The following EYA2 variants were observed in gnomAD, a reference collection of about 807,000 sequenced individuals.
EYA2 encodes EYA transcriptional coactivator and phosphatase 2, also known as protein phosphatase EYA2.
Under a neutral mutation model 69.2 loss-of-function variants are expected in EYA2, and 31 were observed. That is an observed-to-expected ratio of 0.45 (90% confidence interval 0.34 to 0.60). The LOEUF (loss-of-function observed/expected upper bound fraction) is 0.60. Ranked by LOEUF, EYA2 falls within the 20% of genes least tolerant of loss-of-function variation. EYA2 has a pLI of 0.02. For missense variants in EYA2, 622 were observed against 701.2 expected (o/e 0.89, Z 1.28); for synonymous variants, 257 against 279.4 (o/e 0.92, Z 0.80).
chr20:47,009,597 TCATTCCCCTG>T (rs1314088072), intron 4 of EYA2, among the ~76,000 whole-genome samples: 1 of 152,252 alleles, frequency 6.6e-6, no homozygotes, highest in Non-Finnish European at 1.5e-5. Flanking sequence ...TTCATGTTTA[TCATTCCCCTG>T]CATTTTTTTA....
At chr20:47,142,225 G>A (rs1182411127) in intron 9 of EYA2, among the ~76,000 whole-genome samples, 1 of 152,204 alleles carries the variant, frequency 6.6e-6, no homozygotes, top group African/African-American at 2.4e-5. Flanking sequence ...TATGGCGTGG[G>A]GGCTGCAGCT....
intron 8 of EYA2, among the ~76,000 whole-genome samples, chr20:47,090,532 GC>G (rs1409120472): frequency 1.3e-5 from 2 of 151,794 alleles, no homozygotes; most frequent in East Asian, 3.9e-4. Context: ...GAGCCGCCAT[GC>G]CCGGACTTTT....
intron 8 of EYA2, among the ~76,000 whole-genome samples, chr20:47,096,293 G>T (rs879651311): frequency 6.6e-6 from 1 of 152,150 alleles, no homozygotes; most frequent in South Asian, 2.1e-4. Flanking sequence ...AAATGTAAAT[G>T]TATATTACTA....
intron 1 of EYA2, among the ~76,000 whole-genome samples, chr20:46,987,916 G>GACTCTCTC (rs56288405): frequency 0.039 from 785 of 20,300 alleles, 280 homozygotes; most frequent in Middle Eastern, 0.11. Flanking sequence ...GACAGAGTAA[G>GACTCTCTC]TCTCTCTCTC....
At chr20:47,182,266 C>T (rs1248042509) in intron 14 of EYA2, among the ~76,000 whole-genome samples, 1 of 151,820 alleles carries the variant, frequency 6.6e-6, no homozygotes, top group Non-Finnish European at 1.5e-5. Context: ...CCATCTGCCT[C>T]GGCCTCCCAA....
intron 1 of EYA2, among the ~76,000 whole-genome samples, chr20:46,945,464 T>C (rs1247923732): frequency 6.6e-6 from 1 of 152,196 alleles, no homozygotes; most frequent in Non-Finnish European, 1.5e-5. Flanking sequence ...GAAAAAGGAA[T>C]GAATTTGCTG....
intron 1 of EYA2, among the ~76,000 whole-genome samples, chr20:46,964,561 C>T (rs931454672): frequency 2.0e-5 from 3 of 152,246 alleles, no homozygotes; most frequent in Non-Finnish European, 2.9e-5. Flanking sequence ...CTACTTGTCA[C>T]CTGTCCTGTG....
chr20:47,109,421 G>T (rs1305629234), intron 9 of EYA2, among the ~76,000 whole-genome samples: 1 of 152,050 alleles, frequency 6.6e-6, no homozygotes, highest in Non-Finnish European at 1.5e-5. Flanking sequence ...ATATAGCTCA[G>T]TGTATAGCCT....
At chr20:47,074,132 T>C (rs1393407215) in intron 6 of EYA2, 26 bp from the exon 7 acceptor site, 1 of 1,574,216 alleles carries the variant, frequency 6.4e-7, no homozygotes, top group Non-Finnish European at 8.7e-7. Context: ...CTCACATATG[T>C]CCTTGGTTTG....
Position 47,051,194 on chromosome 20 carries a change from G to A in EYA2, c.416-20991G>A, listed in dbSNP as rs138341067. 7.0e-4 allele frequency among the ~76,000 whole-genome samples: 106 copies of A among 152,332 alleles called. No homozygotes were observed. In the East Asian group the frequency reaches 0.018, roughly 25 times the overall value. On this transcript the variant is annotated intron_variant, in intron 5 of 15. Transcript: ENST00000327619. ...GGCTGCCAAGGACTCATCACAGCACGTTCTGCATCGCTTCGCCATTGCAGT... is the reference window on the plus strand; with the variant it reads ...GGCTGCCAAGGACTCATCACAGCACATTCTGCATCGCTTCGCCATTGCAGT...
intron 9 of EYA2, among the ~76,000 whole-genome samples, chr20:47,131,526 CCTT>C (rs2033342000): frequency 6.6e-6 from 1 of 152,204 alleles, no homozygotes; most frequent in African/African-American, 2.4e-5. Flanking sequence ...TGGCTGTTAA[CCTT>C]CTATGGCCAA....
intron 9 of EYA2, among the ~76,000 whole-genome samples, chr20:47,106,849 G>A (rs1459391909): frequency 6.6e-6 from 1 of 152,148 alleles, no homozygotes; most frequent in Non-Finnish European, 1.5e-5. Context: ...ATGAATGGGA[G>A]GCTGGAAAAC....
chr20:47,113,448 G>A lies in EYA2; in HGVS notation c.888+16280G>A, dbSNP rs532110056. On this transcript the variant is annotated intron_variant, in intron 9 of 15. Transcript: ENST00000327619. ...GCAGGGTTAGACACCTTGATGGACA[G>A]CCCACCAAGCCACCTGCAGTGGGGG... Among the ~76,000 whole-genome samples, 188 of 152,314 alleles carry A rather than the reference G, an allele frequency of 1.2e-3. 1 individual carries two copies. Among genetic ancestry groups the A allele is most frequent in the African/African-American group, 4.4e-3 (185 of 41,576 alleles).
chr20:47,040,857 A>G (rs1438014134), intron 5 of EYA2, among the ~76,000 whole-genome samples: 1 of 152,074 alleles, frequency 6.6e-6, no homozygotes, highest in Non-Finnish European at 1.5e-5. Flanking sequence ...AGGTTAAAAA[A>G]CCAAAACCTG....
chr20:47,099,591 A>G (rs11086193), intron 9 of EYA2, among the ~76,000 whole-genome samples: 1 of 152,174 alleles, frequency 6.6e-6, no homozygotes, highest in Non-Finnish European at 1.5e-5. Flanking sequence ...AGGTTTCTTC[A>G]TATATGTACA....
At chr20:47,055,998 C>G (rs2030592124) in intron 5 of EYA2, among the ~76,000 whole-genome samples, 2 of 152,214 alleles carry the variant, frequency 1.3e-5, no homozygotes, top group Non-Finnish European at 2.9e-5. Flanking sequence ...TGGCATTATC[C>G]CGACTTGTGT....
intron 1 of EYA2, among the ~76,000 whole-genome samples, chr20:46,896,512 A>AT (rs1226160069): frequency 6.6e-6 from 1 of 152,092 alleles, no homozygotes; most frequent in East Asian, 1.9e-4. Context: ...ATAAATGTTC[A>AT]TTTTTTCCAC....
intron 9 of EYA2, among the ~76,000 whole-genome samples, chr20:47,130,459 G>C (rs1004622994): frequency 1.3e-5 from 2 of 151,432 alleles, no homozygotes; most frequent in Non-Finnish European, 2.9e-5. Context: ...TAGAGGCAGG[G>C]TTTCACCATG....
At chr20:47,085,421 G>A (rs764402525) in intron 7 of EYA2, among the ~76,000 whole-genome samples, 1 of 152,050 alleles carries the variant, frequency 6.6e-6, no homozygotes, top group African/African-American at 2.4e-5. Flanking sequence ...GCTGAGGTGG[G>A]CGGATCATGA....
Sources: gnomAD v4.1 joint callset for allele counts (sites outside exome capture counted in the v4.1 genomes callset) on GRCh38, gnomAD v4.1.1 for gene constraint, MANE v1.5 for transcripts, NCBI Gene and HGNC (gene_info 2026-07-23, HGNC 2026-07-21) for gene names.